The following PROS1 variants were observed in gnomAD, a reference collection of about 807,000 sequenced individuals.
PROS1 encodes the protein protein S.
A neutral mutation model predicts 75.9 loss-of-function variants in PROS1; 29 were observed. That is an observed-to-expected ratio of 0.38 (90% CI 0.28 to 0.52). The LOEUF is 0.52. Ranked by LOEUF, PROS1 falls within the 20% of genes least tolerant of loss-of-function variation. The probability of loss-of-function intolerance (pLI) is 0.83; values close to 1 mark genes in which losing one functional copy is unlikely to be tolerated. For missense variants in PROS1, 680 were observed against 810.3 expected, an observed-to-expected ratio of 0.84 and a Z score of 1.95; for synonymous variants, 245 against 280.6, an observed-to-expected ratio of 0.87 and a Z score of 1.27.
chr3:93,920,536 C>A lies in PROS1; in HGVS notation c.259+3704G>T, dbSNP rs538456563. ...GAGAGTCATAGAATTATCTAAATAC[C>A]TTATGTGTTCCTATATTTTGTCTAT... is the stretch of plus-strand genomic sequence containing the variant. On this transcript the variant is annotated intron_variant, in intron 3 of 14. Transcript: ENST00000394236. 1.5e-3 allele frequency among the ~76,000 whole-genome samples: 225 copies of A among 151,936 alleles called. 1 individual carries two copies. Among genetic ancestry groups the A allele is most frequent in the Non-Finnish European group, 2.7e-3 (185 of 67,998 alleles).
At chr3:93,941,001 C>A (rs142899735) in intron 1 of PROS1, among the ~76,000 whole-genome samples, 1,955 of 152,240 alleles carry the variant, frequency 0.013, 45 homozygotes, top group African/African-American at 0.044. Flanking sequence ...CTATTCCATT[C>A]TTGATCTTAA....
chr3:93,966,636 T>C (rs1026081046), intron 1 of PROS1, among the ~76,000 whole-genome samples: 3 of 152,104 alleles, frequency 2.0e-5, no homozygotes, highest in African/African-American at 7.2e-5. Context: ...CCCAGCACTT[T>C]GGGAGGCCAA....
At chr3:93,949,759 C>G (rs976689093) in intron 1 of PROS1, among the ~76,000 whole-genome samples, 1 of 152,180 alleles carries the variant, frequency 6.6e-6, no homozygotes, top group African/African-American at 2.4e-5. Flanking sequence ...GTCTACAGCT[C>G]CCAGCATGAG....
intron 9 of PROS1, among the ~76,000 whole-genome samples, chr3:93,896,148 T>C (rs1708498402): frequency 6.6e-6 from 1 of 152,158 alleles, no homozygotes; most frequent in Non-Finnish European, 1.5e-5. Flanking sequence ...AAAATGCCAC[T>C]TAAGCAAGTT....
At chr3:93,972,334 A>C (rs1343789868) in intron 1 of PROS1, among the ~76,000 whole-genome samples, 1 of 152,230 alleles carries the variant, frequency 6.6e-6, no homozygotes, top group African/African-American at 2.4e-5. Context: ...TCAAAAAATA[A>C]TGTTTTAGTC....
In PROS1 at chr3:93,874,374, G is replaced by A. The variant is rs751777823; in HGVS notation, c.1902C>T (p.Ala634=). The change falls in exon 15 of 15, where the codon GCC becomes GCT. Residue 634 remains alanine (A), a synonymous_variant. Coordinates refer to ENST00000394236, the MANE Select transcript of PROS1 (RefSeq NM_000313.4). ...DVPFSATPVN[A]FYNGCMEVNI... ...TCACTTCCATGCAGCCATTATAAAA[G>A]GCATTCACTGGTGTGGCACTGAATG... is the stretch of plus-strand genomic sequence containing the variant. 4 of 1,613,258 alleles carry A rather than the reference G, an allele frequency of 2.5e-6. No homozygotes were observed. The African/African-American group carries it at 5.3e-5, about 22-fold the overall frequency.
At chr3:93,876,527 T>C (rs1405428863) in intron 14 of PROS1, among the ~76,000 whole-genome samples, 2 of 134,824 alleles carry the variant, frequency 1.5e-5, no homozygotes, top group East Asian at 4.4e-4. Flanking sequence ...AGGCGGAGCT[T>C]GCAGTGAGCC....
chr3:93,961,203 T>C (rs567181797), intron 1 of PROS1, among the ~76,000 whole-genome samples: 13 of 152,012 alleles, frequency 8.6e-5, no homozygotes, highest in African/African-American at 2.2e-4. Flanking sequence ...GAAAAGGCCA[T>C]AGGGGAGAAG....
At chr3:93,937,764 T>C (rs2107219833) in intron 1 of PROS1, among the ~76,000 whole-genome samples, 1 of 152,296 alleles carries the variant, frequency 6.6e-6, no homozygotes, top group Admixed American at 6.5e-5. Context: ...CTTCCTTGTT[T>C]TTTTCTTGAA....
At chr3:93,893,335 C>A (rs1392861066) in intron 9 of PROS1, among the ~76,000 whole-genome samples, 1 of 152,006 alleles carries the variant, frequency 6.6e-6, no homozygotes, top group African/African-American at 2.4e-5. Flanking sequence ...ATTATATTTT[C>A]TTGCTTATTC....
rs144698617 is a variant in PROS1, at chr3:93,968,999, T to A, written c.76+4675A>T. ...TTGCATCCTGAGGGCAAGAGAGCTATGAAATGGGTAGGGAAAGAGTCATAA... is the reference window on the plus strand; with the variant it reads ...TTGCATCCTGAGGGCAAGAGAGCTAAGAAATGGGTAGGGAAAGAGTCATAA... On this transcript the variant is annotated intron_variant, in intron 1 of 14. Transcript: ENST00000394236. 1.2e-3 allele frequency among the ~76,000 whole-genome samples: 177 copies of A among 152,134 alleles called. 6 individuals carry two copies. In the East Asian group the frequency reaches 0.029, roughly 25 times the overall value.
chr3:93,969,122 C>CTTTTTTTTTTTTTTTTTTTTTTTTTTTT (rs773990991), intron 1 of PROS1, among the ~76,000 whole-genome samples: 1 of 114,334 alleles, frequency 8.7e-6, no homozygotes. Flanking sequence ...CTTTTGTTTT[C>CTTTTTTTTTTTTTTTTTTTTTTTTTTTT]TTTTTTTTTT....
At chr3:93,918,828 G>A (rs552272583) in intron 3 of PROS1, among the ~76,000 whole-genome samples, 1 of 152,300 alleles carries the variant, frequency 6.6e-6, no homozygotes, top group East Asian at 1.9e-4. Context: ...TTACAGGCAT[G>A]AGACATCATG....
chr3:93,918,014 T>C (rs1708885476), intron 3 of PROS1, among the ~76,000 whole-genome samples: 1 of 152,184 alleles, frequency 6.6e-6, no homozygotes, highest in Non-Finnish European at 1.5e-5. Flanking sequence ...GCAGCCCCAG[T>C]GCAGGATCCA....
In PROS1 at chr3:93,973,853, G is replaced by A. The variant is rs1709932289; in HGVS notation, c.-104C>T. 2 of 933,994 alleles carry A rather than the reference G, an allele frequency of 2.1e-6. No homozygotes were observed. The highest frequency in any genetic ancestry group is 4.4e-5 in the Admixed American group (1 of 22,912). The allele number at this position is 933,994 out of a possible 1,614,324, so 57.9% of individuals were successfully genotyped here. ...GAGCCTGTGCGCCTCGGTCTGAGCCGTGCTGCGCGGCGGCGCCAGCGACCC... is the reference window on the plus strand; with the variant it reads ...GAGCCTGTGCGCCTCGGTCTGAGCCATGCTGCGCGGCGGCGCCAGCGACCC... On this transcript the variant is annotated 5_prime_UTR_variant, in exon 1 of 15. In the 5' UTR this introduces an upstream ATG that the reference lacks. Coordinates refer to ENST00000394236, the MANE Select transcript of PROS1 (RefSeq NM_000313.4).
Position 93,898,540 on chromosome 3 carries a change from C to T in PROS1, c.757G>A (p.Ala253Thr). The change falls in exon 8 of 15, where the codon GCT becomes ACT. Residue 253 changes from alanine to threonine, a missense_variant. Ala to Thr is a moderately conservative substitution (Grantham distance 58). Transcript: ENST00000394236. Reference sequence around the variant, plus strand: ...CCAGGGTAATTGACACAAAGCTGAGCACACATGTTCTCAGAGCATTCATCT... The same window carrying T: ...CCAGGGTAATTGACACAAAGCTGAGTACACATGTTCTCAGAGCATTCATCT... ...DIDECSENMC[A>T]QLCVNYPGGY... is the part of the protein sequence containing the mutation. 1.2e-6 allele frequency: 2 copies of T among 1,612,516 alleles called. No homozygotes were observed. The highest frequency in any genetic ancestry group is 1.7e-6 in the Non-Finnish European group (2 of 1,178,860).
chr3:93,912,780 C>T (rs1262470036), intron 3 of PROS1, among the ~76,000 whole-genome samples: 1 of 152,058 alleles, frequency 6.6e-6, no homozygotes, highest in Non-Finnish European at 1.5e-5. Context: ...GCCTCAAGCC[C>T]TTTTATAATT....
intron 14 of PROS1, among the ~76,000 whole-genome samples, chr3:93,875,237 T>C (rs1244532577): frequency 6.6e-6 from 1 of 152,132 alleles, no homozygotes; most frequent in Non-Finnish European, 1.5e-5. Context: ...TCATTCGATT[T>C]TGAGGAAAGA....
At chr3:93,938,668 C>A (rs754815109) in intron 1 of PROS1, among the ~76,000 whole-genome samples, 6 of 152,222 alleles carry the variant, frequency 3.9e-5, no homozygotes, top group Admixed American at 1.3e-4. Flanking sequence ...ATCTCCCTGT[C>A]CTTCCAATTC....
Sources: gnomAD v4.1 joint callset for allele counts (sites outside exome capture counted in the v4.1 genomes callset) on GRCh38, gnomAD v4.1.1 for gene constraint, MANE v1.5 for transcripts, NCBI Gene and HGNC (gene_info 2026-07-23, HGNC 2026-07-21) for gene names.